Variants in ATL1 observed in about 807,000 individuals in gnomAD.
The protein encoded by ATL1 is atlastin GTPase 1.
Under a neutral mutation model 75.5 loss-of-function variants are expected in ATL1, and 31 were observed. The ratio of observed to expected loss-of-function variants is 0.41; its 90% CI spans 0.31 to 0.55. ATL1 has a LOEUF of 0.55. ATL1 is among the 20% of genes least tolerant of loss of function. The pLI is 0.27. For synonymous variants in ATL1, 226 were observed against 233.3 expected (o/e 0.97, Z 0.28); for missense variants, 405 against 662.6 (o/e 0.61, Z 4.27).
At chr14:50,570,901 T>G (rs982460107) in intron 1 of ATL1, among the ~76,000 whole-genome samples, 1 of 152,216 alleles carries the variant, frequency 6.6e-6, no homozygotes, top group Admixed American at 6.5e-5. Flanking sequence ...GATGTCTCCA[T>G]GTCAAGGATC....
chr14:50,619,737 A>T (rs2140231643), intron 8 of ATL1, among the ~76,000 whole-genome samples: 1 of 152,186 alleles, frequency 6.6e-6, no homozygotes, highest in Middle Eastern at 3.4e-3. Context: ...TGTGTTGCTG[A>T]GTTCCACCAC....
At chr14:50,558,994 T>C (rs1279897618), upstream of ATL1, 2 of 152,206 alleles carry the variant, frequency 1.3e-5, no homozygotes, top group East Asian at 3.8e-4. Context: ...TTCAGATATG[T>C]TGATGTTCAA....
chr14:50,618,859 A>ATG (rs71441298), intron 8 of ATL1, among the ~76,000 whole-genome samples: 66,959 of 147,410 alleles, frequency 0.45, 16,156 homozygotes, highest in East Asian at 0.67. Flanking sequence ...TATATAATGT[A>ATG]TGTGTGTGTG....
At chr14:50,592,928 A>AAT in intron 4 of ATL1, among the ~76,000 whole-genome samples, 1 of 106,730 alleles carries the variant, frequency 9.4e-6, no homozygotes, top group South Asian at 2.8e-4. Context: ...AAAAAAAAAA[A>AAT]AATATATATA....
intron 1 of ATL1, among the ~76,000 whole-genome samples, chr14:50,585,346 A>G (rs1036462313): frequency 6.6e-6 from 1 of 152,216 alleles, no homozygotes; most frequent in Non-Finnish European, 1.5e-5. Context: ...AGTCTATAGA[A>G]AGTTATGATC....
At chr14:50,603,783 G>A (rs1314119683) in intron 6 of ATL1, among the ~76,000 whole-genome samples, 1 of 152,126 alleles carries the variant, frequency 6.6e-6, no homozygotes, top group Admixed American at 6.6e-5. Context: ...GGCTGATGTC[G>A]GCCTGCTTGG....
chr14:50,576,032 G>A (rs561493472), intron 1 of ATL1, among the ~76,000 whole-genome samples: 121 of 152,156 alleles, frequency 8.0e-4, no homozygotes, highest in Middle Eastern at 3.4e-3. Context: ...TGACCTATGG[G>A]TTTTCAATTT....
chr14:50,588,609 C>G (rs577885687), intron 2 of ATL1, among the ~76,000 whole-genome samples: 1 of 152,142 alleles, frequency 6.6e-6, no homozygotes, highest in African/African-American at 2.4e-5. Context: ...AAATTGCTGG[C>G]CGGGCACTGT....
intron 1 of ATL1, among the ~76,000 whole-genome samples, chr14:50,541,618 A>G (rs1447656925): frequency 1.3e-5 from 2 of 152,182 alleles, no homozygotes; most frequent in Non-Finnish European, 1.5e-5. Flanking sequence ...CTGCCCTGAC[A>G]CTTAGGCTTT....
chr14:50,553,339 A>G (rs756305095), intron 1 of ATL1, among the ~76,000 whole-genome samples: 9 of 152,096 alleles, frequency 5.9e-5, no homozygotes, highest in Admixed American at 5.9e-4. Context: ...CAGACAGCCA[A>G]CAAACATTGA....
chr14:50,596,905 G>A (rs1022325071), intron 6 of ATL1, among the ~76,000 whole-genome samples: 1 of 151,958 alleles, frequency 6.6e-6, no homozygotes, highest in African/African-American at 2.4e-5. Context: ...TTAGTGATAA[G>A]TACAAATTAA....
At chr14:50,569,382 G>C (rs2038934422) in intron 1 of ATL1, among the ~76,000 whole-genome samples, 1 of 148,462 alleles carries the variant, frequency 6.7e-6, no homozygotes, top group South Asian at 2.1e-4. Context: ...TCATGCCACT[G>C]CATTCTAGCT....
upstream of ATL1, chr14:50,559,221 T>C (rs756182969): frequency 2.6e-5 from 4 of 152,190 alleles, no homozygotes; most frequent in African/African-American, 9.7e-5. Context: ...ATGGATCTGG[T>C]AATTAAGAGG....
In ATL1 at chr14:50,632,779, G is replaced by GT; in HGVS notation, c.*441dup. On this transcript the variant is annotated 3_prime_UTR_variant, in exon 14 of 14. Coordinates refer to ENST00000358385, the MANE Select transcript of ATL1 (RefSeq NM_015915.5). ...TAACTCAGCAGGCTGGATTTAATCT[G>GT]TATCATCTTATATATATCACAATCT... 1 of 185,392 alleles carries GT rather than the reference G, an allele frequency of 5.4e-6. No homozygotes were observed. Among genetic ancestry groups the GT allele is most frequent in the East Asian group, 1.4e-4 (1 of 7,336 alleles). 11.5% of individuals were successfully genotyped at this position (185,392 alleles called of 1,614,324 possible).
chr14:50,610,014 C>T (rs1454199504), intron 6 of ATL1, among the ~76,000 whole-genome samples: 1 of 151,370 alleles, frequency 6.6e-6, no homozygotes, highest in Non-Finnish European at 1.5e-5. Flanking sequence ...TCCTCTGCCC[C>T]ACTCTGCCCC....
intron 1 of ATL1, among the ~76,000 whole-genome samples, chr14:50,545,834 T>C (rs2038624474): frequency 6.6e-6 from 1 of 152,166 alleles, no homozygotes; most frequent in African/African-American, 2.4e-5. Context: ...CGCCAGCTGG[T>C]TACATATTAT....
intron 1 of ATL1, among the ~76,000 whole-genome samples, chr14:50,565,244 C>T (rs573678182): frequency 3.3e-5 from 5 of 152,018 alleles, no homozygotes; most frequent in East Asian, 3.9e-4. Context: ...GAGCCGAGAT[C>T]GCACTACTGC....
intron 1 of ATL1, among the ~76,000 whole-genome samples, chr14:50,574,971 A>ATATC (rs2038991991): frequency 3.1e-5 from 4 of 129,608 alleles, no homozygotes; most frequent in African/African-American, 1.2e-4. Flanking sequence ...ATATATATAT[A>ATATC]TATATTAGCT....
At chr14:50,631,415 C>G (rs75303184) in intron 13 of ATL1, among the ~76,000 whole-genome samples, 1,617 of 152,124 alleles carry the variant, frequency 0.011, 24 homozygotes, top group African/African-American at 0.037. Flanking sequence ...TATTCAAAGA[C>G]TCTTTACGAA....
Sources: gnomAD v4.1 joint callset for allele counts (sites outside exome capture counted in the v4.1 genomes callset) on GRCh38, gnomAD v4.1.1 for gene constraint, MANE v1.5 for transcripts, NCBI Gene and HGNC (gene_info 2026-07-23, HGNC 2026-07-21) for gene names.